The following NLGN1 variants were observed in gnomAD, a reference collection of about 807,000 sequenced individuals.
NLGN1 encodes the protein neuroligin 1, also known as neuroligin-1.
Under a neutral mutation model 65.5 loss-of-function variants are expected in NLGN1, and 12 were observed. The observed-to-expected ratio is 0.18, with a 90% CI of 0.12 to 0.30. The LOEUF is 0.30. Among genes scored for constraint, NLGN1 ranks in the 10% least tolerant of loss-of-function variants. The pLI, the probability that NLGN1 is intolerant of heterozygous loss-of-function variation, is 1.00. For missense variants in NLGN1, 750 were observed against 1,007.1 expected (o/e 0.74, Z 3.46); for synonymous variants, 350 against 359.5 (o/e 0.97, Z 0.30).
intron 4 of NLGN1, among the ~76,000 whole-genome samples, chr3:174,113,420 A>T (rs1715678998): frequency 1.3e-5 from 2 of 152,078 alleles, no homozygotes; most frequent in Admixed American, 1.3e-4. Context: ...AAGTTTTATG[A>T]GACATAGTCT....
At chr3:173,532,359 G>T (rs1478521048) in intron 2 of NLGN1, among the ~76,000 whole-genome samples, 13 of 152,122 alleles carry the variant, frequency 8.5e-5, no homozygotes, top group Admixed American at 8.5e-4. Flanking sequence ...TTCCAGGATT[G>T]GAAATGTAAA....
At chr3:173,571,314 T>G (rs956462611) in intron 2 of NLGN1, among the ~76,000 whole-genome samples, 1 of 152,372 alleles carries the variant, frequency 6.6e-6, no homozygotes, top group East Asian at 1.9e-4. Context: ...AAGTGCTTAG[T>G]GAATAGTGAG....
At chr3:174,074,075 C>T (rs1740431944) in intron 4 of NLGN1, among the ~76,000 whole-genome samples, 1 of 152,062 alleles carries the variant, frequency 6.6e-6, no homozygotes, top group African/African-American at 2.4e-5. Flanking sequence ...CACTGAAAAG[C>T]TTGGGAATAG....
intron 3 of NLGN1, among the ~76,000 whole-genome samples, chr3:173,790,326 G>C (rs2029335): frequency 9.2e-5 from 14 of 151,740 alleles, no homozygotes; most frequent in African/African-American, 3.4e-4. Context: ...ACAGAGCTGC[G>C]TCCATATCCT....
In NLGN1 at chr3:173,914,611, G is replaced by A. The variant is rs543443728; in HGVS notation, c.646+106779G>A. Among the ~76,000 whole-genome samples the A allele has an allele frequency of 2.2e-4, 34 of 152,186 alleles. No homozygotes were observed. The South Asian group carries it at 6.8e-3, about 31-fold the overall frequency. ...CGTCAAGCTCTGGGACCAAGTACAA[G>A]GTAGAGAATTCGTAGAGTATGTGTG... is the stretch of plus-strand genomic sequence containing the variant. On this transcript the variant is annotated intron_variant, in intron 4 of 6. Transcript: ENST00000457714.
chr3:173,486,455 A>G (rs1023721498), intron 2 of NLGN1, among the ~76,000 whole-genome samples: 1 of 152,140 alleles, frequency 6.6e-6, no homozygotes, highest in African/African-American at 2.4e-5. Context: ...AACGCTCAGA[A>G]CCTTACATGG....
chr3:173,874,646 G>T (rs146997252), intron 4 of NLGN1, among the ~76,000 whole-genome samples: 1 of 152,252 alleles, frequency 6.6e-6, no homozygotes, highest in East Asian at 1.9e-4. Context: ...GGTTAGTGAT[G>T]ATAAACATGT....
At chr3:173,397,619 C>T (rs1441448268), upstream of NLGN1, among the ~76,000 whole-genome samples, 4 of 152,102 alleles carry the variant, frequency 2.6e-5, no homozygotes, top group African/African-American at 9.7e-5. Context: ...CTCTCCCGTT[C>T]CCCCGTCAGT....
In NLGN1 at chr3:173,649,523, A is replaced by G. The variant is rs189465726; in HGVS notation, c.493+44432A>G. On this transcript the variant is annotated intron_variant, in intron 3 of 6. Transcript: ENST00000457714. ...AAAGCAGTTAAAAAATGTTGAGTCCACATTGTTATTTTAAATTCAAATGAA... is the reference window on the plus strand; with the variant it reads ...AAAGCAGTTAAAAAATGTTGAGTCCGCATTGTTATTTTAAATTCAAATGAA... Among the ~76,000 whole-genome samples the G allele has an allele frequency of 5.8e-3, 887 of 152,250 alleles. 12 individuals carry two copies. The highest frequency in any genetic ancestry group is 0.02 in the African/African-American group (832 of 41,566).
At chr3:173,467,985 A>G (rs1228257883) in intron 2 of NLGN1, among the ~76,000 whole-genome samples, 2 of 152,144 alleles carry the variant, frequency 1.3e-5, no homozygotes, top group Non-Finnish European at 1.5e-5. Context: ...ATTAAAGATC[A>G]TAAGCCTGTT....
intron 4 of NLGN1, among the ~76,000 whole-genome samples, chr3:173,993,264 C>T (rs985524327): frequency 6.6e-6 from 1 of 152,120 alleles, no homozygotes; most frequent in Admixed American, 6.5e-5. Flanking sequence ...AGATCAATGC[C>T]TCATGGGTTT....
intron 4 of NLGN1, among the ~76,000 whole-genome samples, chr3:174,037,105 G>A (rs775716218): frequency 2.3e-4 from 35 of 152,148 alleles, no homozygotes; most frequent in Non-Finnish European, 4.9e-4. Context: ...GTATTCCTTT[G>A]GGTATGTACC....
At chr3:173,469,182 G>T (rs142969428) in intron 2 of NLGN1, among the ~76,000 whole-genome samples, 121 of 151,904 alleles carry the variant, frequency 8.0e-4, no homozygotes, top group African/African-American at 2.9e-3. Flanking sequence ...AGTTCTTACT[G>T]GTAAAATGAA....
At chr3:174,113,197 T>C (rs1715622096) in intron 4 of NLGN1, among the ~76,000 whole-genome samples, 1 of 151,974 alleles carries the variant, frequency 6.6e-6, no homozygotes, top group Non-Finnish European at 1.5e-5. Context: ...AATGCATTGC[T>C]TCTAAGAGCA....
chr3:174,262,485 A>G (rs1747134026), intron 4 of NLGN1, among the ~76,000 whole-genome samples: 3 of 126,472 alleles, frequency 2.4e-5, no homozygotes, highest in South Asian at 2.9e-4. Context: ...AGGTGTTTGT[A>G]GTATTCTCTG....
At chr3:173,782,302 G>C (rs1457568997) in intron 3 of NLGN1, among the ~76,000 whole-genome samples, 1 of 152,070 alleles carries the variant, frequency 6.6e-6, no homozygotes, top group East Asian at 1.9e-4. Flanking sequence ...ATTCCTGCAA[G>C]CAACATAGAT....
At chr3:174,285,469 G>A (rs1339440221) in exon 7 of NLGN1, 3 of 151,292 alleles carry the variant, frequency 2.0e-5, no homozygotes, top group Non-Finnish European at 4.4e-5. Flanking sequence ...TTACTGTTAC[G>A]ACAAATGTTT....
chr3:174,061,729 A>G, intron 4 of NLGN1, among the ~76,000 whole-genome samples: 1 of 152,190 alleles, frequency 6.6e-6, no homozygotes, highest in Non-Finnish European at 1.5e-5. Context: ...CAATTTATTT[A>G]GAAAGGATCA....
intron 3 of NLGN1, among the ~76,000 whole-genome samples, chr3:173,782,656 G>A (rs1466486330): frequency 6.6e-6 from 1 of 151,528 alleles, no homozygotes; most frequent in African/African-American, 2.4e-5. Context: ...GAACATGTGT[G>A]GCCAGGCAAA....
Sources: gnomAD v4.1 joint callset for allele counts (sites outside exome capture counted in the v4.1 genomes callset) on GRCh38, gnomAD v4.1.1 for gene constraint, MANE v1.5 for transcripts, NCBI Gene and HGNC (gene_info 2026-07-23, HGNC 2026-07-21) for gene names.